The following SLC16A9 variants were observed in gnomAD, a reference collection of about 807,000 sequenced individuals.
SLC16A9 encodes the protein solute carrier family 16 member 9, also known as monocarboxylate transporter 9.
In SLC16A9, 26 loss-of-function variants were observed where a neutral mutation model predicts 44.3. The observed-to-expected ratio is 0.59, with a 90% confidence interval of 0.43 to 0.81. SLC16A9 has a LOEUF of 0.81. SLC16A9 is among the 40% of genes least tolerant of loss of function. The pLI is 0.00. For missense variants in SLC16A9, 559 were observed against 595.8 expected, an observed-to-expected ratio of 0.94 and a Z score of 0.64; for synonymous variants, 230 against 225.1, an observed-to-expected ratio of 1.02 and a Z score of -0.19.
chr10:59,684,313 G>A lies in SLC16A9; in HGVS notation c.-22C>T, dbSNP rs760447655. On this transcript the variant is annotated 5_prime_UTR_variant, in exon 2 of 6. It adds an upstream start codon to the 5' untranslated region. Coordinates refer to ENST00000395348, the MANE Select transcript of SLC16A9 (RefSeq NM_194298.3). The stretch of plus-strand genomic sequence containing the variant: ...CCATTGTAAGACAAAATCAGGAGGC[G>A]TTTCTCTGCAGGTCCTAAACAAAAA... 6.2e-6 allele frequency: 10 copies of A among 1,603,224 alleles called. No homozygotes were observed. In the Admixed American group the frequency reaches 6.7e-5, roughly 11 times the overall value.
chr10:59,686,494 T>C (rs1486423597), intron 1 of SLC16A9, among the ~76,000 whole-genome samples: 4 of 152,238 alleles, frequency 2.6e-5, no homozygotes, highest in Admixed American at 2.0e-4. Context: ...GTTCTTAGTG[T>C]TTAAAATGTT....
intron 2 of SLC16A9, among the ~76,000 whole-genome samples, chr10:59,674,033 T>C (rs1839807201): frequency 6.6e-6 from 1 of 152,230 alleles, no homozygotes; most frequent in African/African-American, 2.4e-5. Flanking sequence ...TGGGGAGTTA[T>C]AATCAGAAGA....
chr10:59,664,344 A>G (rs761122906), intron 3 of SLC16A9, 22 bp from the exon 4 acceptor site: 1 of 1,522,290 alleles, frequency 6.6e-7, no homozygotes, highest in South Asian at 1.2e-5. Context: ...AAGACATTGC[A>G]TAAATTAAGA....
At chr10:59,653,443 A>AAAAAAAAAAAAAAAAC (rs1839262239) in intron 5 of SLC16A9, among the ~76,000 whole-genome samples, 1 of 149,350 alleles carries the variant, frequency 6.7e-6, no homozygotes, top group Non-Finnish European at 1.5e-5. Context: ...AAAAAAAAAA[A>AAAAAAAAAAAAAAAAC]AAGCAGGCAT....
In SLC16A9 at chr10:59,681,741, G is replaced by GTGT. The variant is rs66952512; in HGVS notation, c.196+2354_196+2355insACA. Among the ~76,000 whole-genome samples the GTGT allele has an allele frequency of 6.4e-4, 2 of 3,116 alleles. 1 individual carries two copies. Among genetic ancestry groups the GTGT allele is most frequent in the African/African-American group, 7.4e-4 (2 of 2,694 alleles). 2.0% of individuals were successfully genotyped at this position (3,116 alleles called of 152,430 possible). A position where few individuals can be genotyped will look rare whatever the true frequency, so the allele number is the denominator to read the frequency against. ...ATATGATGTATATGTATATGTATAT[G>GTGT]ATGTATATGTATATGTATATGATGT... On this transcript the variant is annotated intron_variant, in intron 2 of 5. Transcript: ENST00000395348.
chr10:59,654,436 G>A lies in SLC16A9; in HGVS notation c.590C>T (p.Pro197Leu), dbSNP rs1196655494. The change falls in exon 5 of 6, where the codon CCT (proline) becomes CTT (leucine). Residue 197 changes from proline to leucine, a missense_variant. By Grantham distance (98) the Pro-to-Leu change is moderately conservative (BLOSUM62 -3). Coordinates refer to ENST00000395348, the MANE Select transcript of SLC16A9 (RefSeq NM_194298.3). ...LMRPLQSSDC[P>L]LPKKIAPEDL... ...TTCTGGAGCTATTTTTTTAGGCAAA[G>A]GACAATCAGAAGATTGGAGGGGTCT... is the stretch of plus-strand genomic sequence containing the variant. The A allele has an allele frequency of 6.2e-7, 1 of 1,613,364 alleles. No homozygotes were observed. The highest frequency in any genetic ancestry group is 1.3e-5 in the African/African-American group (1 of 74,894).
chr10:59,666,298 C>CAAAA (rs35476359), intron 3 of SLC16A9, among the ~76,000 whole-genome samples: 14 of 102,020 alleles, frequency 1.4e-4, no homozygotes, highest in African/African-American at 5.1e-4. Flanking sequence ...GACTCTGTCT[C>CAAAA]AAAAAAAAAA....
chr10:59,667,769 C>T (rs1839653368), intron 3 of SLC16A9, among the ~76,000 whole-genome samples: 2 of 152,318 alleles, frequency 1.3e-5, no homozygotes, highest in South Asian at 2.1e-4. Flanking sequence ...TACCAACCTC[C>T]AGTAAAAGAA....
intron 4 of SLC16A9, among the ~76,000 whole-genome samples, chr10:59,658,402 CTCTTT>C (rs1839396923): frequency 1.3e-5 from 2 of 152,124 alleles, no homozygotes; most frequent in African/African-American, 4.8e-5. Flanking sequence ...AAGAATTTGA[CTCTTT>C]TCATCAACGT....
At chr10:59,672,501 A>G (rs1839772061) in intron 3 of SLC16A9, among the ~76,000 whole-genome samples, 1 of 152,114 alleles carries the variant, frequency 6.6e-6, no homozygotes, top group African/African-American at 2.4e-5. Context: ...CTTTTCCCAT[A>G]TGTGCTATAG....
chr10:59,664,257 G>A lies in SLC16A9; in HGVS notation c.406C>T (p.Arg136Ter), dbSNP rs753880533. 6.2e-6 allele frequency: 10 copies of A among 1,612,006 alleles called. No individual in the cohort carries two copies. The East Asian group carries it at 6.7e-5, about 11-fold the overall frequency. The change falls in exon 4 of 6, where the codon CGA becomes TGA. Residue 136 changes from arginine to a stop codon, truncating the protein, a stop_gained. Transcript: ENST00000395348. LOFTEE classifies it high-confidence loss of function. ...TITCQYFDDR[R>*]GLALGLISTG... ...GAAATCAGGCCAAGCGCTAGGCCTC[G>A]GCGATCGTCAAAATACTGGCACGTA...
intron 4 of SLC16A9, among the ~76,000 whole-genome samples, chr10:59,661,234 T>C (rs1016814484): frequency 3.3e-5 from 5 of 152,236 alleles, no homozygotes; most frequent in Admixed American, 1.3e-4. Context: ...GCAGATGACA[T>C]GATTGTATAT....
At chr10:59,677,685 T>C (rs893925330) in intron 2 of SLC16A9, among the ~76,000 whole-genome samples, 20 of 152,262 alleles carry the variant, frequency 1.3e-4, no homozygotes, top group African/African-American at 4.8e-4. Context: ...AACTAAGCCT[T>C]GAACTAGGCT....
chr10:59,670,849 A>G (rs1181484215), intron 3 of SLC16A9, among the ~76,000 whole-genome samples: 3 of 152,162 alleles, frequency 2.0e-5, no homozygotes, highest in Non-Finnish European at 2.9e-5. Context: ...TGAGCCCTAT[A>G]CTATGAGCCT....
chr10:59,679,996 CT>C (rs1404903435), intron 2 of SLC16A9, among the ~76,000 whole-genome samples: 1 of 151,986 alleles, frequency 6.6e-6, no homozygotes, highest in Non-Finnish European at 1.5e-5. Context: ...TATTAGTTAC[CT>C]TTTTTTTCTG....
At chr10:59,673,750 G>T (rs988923657) in intron 2 of SLC16A9, among the ~76,000 whole-genome samples, 1 of 152,148 alleles carries the variant, frequency 6.6e-6, no homozygotes, top group East Asian at 1.9e-4. Context: ...AACACAGCAC[G>T]CTGTAAAACC....
chr10:59,692,059 G>A (rs891457394), intron 1 of SLC16A9, among the ~76,000 whole-genome samples: 3 of 152,168 alleles, frequency 2.0e-5, no homozygotes, highest in Non-Finnish European at 2.9e-5. Context: ...AAGATTCATA[G>A]ATAGACTTTT....
chr10:59,667,655 T>G (rs1455808536), intron 3 of SLC16A9, among the ~76,000 whole-genome samples: 1 of 152,176 alleles, frequency 6.6e-6, no homozygotes, highest in Non-Finnish European at 1.5e-5. Context: ...AATAGAAGAA[T>G]GTAAAGGGTT....
At chr10:59,707,105 C>G (rs185644728) in intron 1 of SLC16A9, among the ~76,000 whole-genome samples, 17 of 148,012 alleles carry the variant, frequency 1.1e-4, no homozygotes, top group African/African-American at 4.2e-4. Context: ...ACAGAAATTA[C>G]CTGGGTGTGG....
Sources: gnomAD v4.1 joint callset for allele counts (sites outside exome capture counted in the v4.1 genomes callset) on GRCh38, gnomAD v4.1.1 for gene constraint, MANE v1.5 for transcripts, NCBI Gene and HGNC (gene_info 2026-07-23, HGNC 2026-07-21) for gene names.